Variants in PDE11A observed in about 807,000 individuals in gnomAD.
PDE11A encodes the protein phosphodiesterase 11A.
In PDE11A, 100 loss-of-function variants were observed where a neutral mutation model predicts 100.5. That is an observed-to-expected ratio of 1.00 (90% CI 0.85 to 1.18). PDE11A has a LOEUF of 1.18. Ranked by LOEUF, PDE11A falls within the 50% of genes most tolerant of loss-of-function variation. PDE11A has a pLI of 0.00. For missense variants in PDE11A, 1,141 were observed against 1,152.6 expected, an observed-to-expected ratio of 0.99 and a Z score of 0.15; for synonymous variants, 381 against 420.8, an observed-to-expected ratio of 0.91 and a Z score of 1.16.
chr2:177,692,277 T>C (rs2081051006), intron 15 of PDE11A, among the ~76,000 whole-genome samples: 1 of 152,214 alleles, frequency 6.6e-6, no homozygotes, highest in Non-Finnish European at 1.5e-5. Flanking sequence ...TACAGGGCAT[T>C]TGTATCATCC....
intron 9 of PDE11A, among the ~76,000 whole-genome samples, chr2:177,805,523 T>G (rs1363614558): frequency 6.6e-6 from 1 of 152,168 alleles, no homozygotes; most frequent in East Asian, 1.9e-4. Context: ...CTAAGTCGAT[T>G]CCAAGGTCAA....
intron 6 of PDE11A, among the ~76,000 whole-genome samples, chr2:177,837,795 C>T (rs2083428957): frequency 6.6e-6 from 1 of 152,104 alleles, no homozygotes; most frequent in South Asian, 2.1e-4. Flanking sequence ...TTGGTTTCAC[C>T]TGTGAGGTTA....
intron 2 of PDE11A, among the ~76,000 whole-genome samples, chr2:177,906,471 T>G (rs144769347): frequency 2.0e-5 from 3 of 152,282 alleles, no homozygotes; most frequent in African/African-American, 4.8e-5. Context: ...CTTTCCTTGG[T>G]TACCTGGGCA....
At chr2:177,678,945 A>C (rs2080819409) in intron 16 of PDE11A, among the ~76,000 whole-genome samples, 2 of 151,716 alleles carry the variant, frequency 1.3e-5, no homozygotes, top group African/African-American at 4.9e-5. Context: ...AGAATAAAAA[A>C]TACATCCTTG....
intron 9 of PDE11A, among the ~76,000 whole-genome samples, chr2:177,800,675 C>A (rs2082779788): frequency 6.6e-6 from 1 of 152,112 alleles, no homozygotes; most frequent in Non-Finnish European, 1.5e-5. Flanking sequence ...AATGGTGAAC[C>A]AGACCCATAG....
intron 7 of PDE11A, among the ~76,000 whole-genome samples, chr2:177,819,412 G>A (rs1253797447): frequency 1.3e-5 from 2 of 151,968 alleles, no homozygotes; most frequent in Admixed American, 1.3e-4. Flanking sequence ...GTGTTCTTAC[G>A]TCTCTTAGGA....
At chr2:178,054,602 G>C (rs2086874172) in intron 1 of PDE11A, among the ~76,000 whole-genome samples, 1 of 152,198 alleles carries the variant, frequency 6.6e-6, no homozygotes, top group Non-Finnish European at 1.5e-5. Flanking sequence ...CTACCCATCT[G>C]ATAAAGGGCT....
chr2:178,061,728 G>A (rs927978828), intron 1 of PDE11A, among the ~76,000 whole-genome samples: 12 of 151,944 alleles, frequency 7.9e-5, no homozygotes, highest in South Asian at 2.1e-4. Context: ...ATTTCCATGC[G>A]ATTCTTCATT....
chr2:177,743,985 T>G (rs901206225), intron 10 of PDE11A, among the ~76,000 whole-genome samples: 1 of 152,182 alleles, frequency 6.6e-6, no homozygotes, highest in South Asian at 2.1e-4. Context: ...TGCTACCACC[T>G]GGGGTCCACC....
chr2:177,921,932 G>A (rs2085055387), intron 2 of PDE11A: 1 of 152,232 alleles, frequency 6.6e-6, no homozygotes, highest in Non-Finnish European at 1.5e-5. Flanking sequence ...GTGGCCTGAT[G>A]AATGGGGAAA....
At chr2:178,064,776 T>C (rs951149484) in intron 1 of PDE11A, among the ~76,000 whole-genome samples, 3 of 151,820 alleles carry the variant, frequency 2.0e-5, no homozygotes, top group African/African-American at 7.3e-5. Context: ...CTGGGCAACA[T>C]AGTAAGATCT....
intron 4 of PDE11A, among the ~76,000 whole-genome samples, chr2:177,892,266 A>G (rs2084541621): frequency 1.3e-5 from 2 of 152,142 alleles, no homozygotes; most frequent in Non-Finnish European, 2.9e-5. Context: ...TTATATTTTT[A>G]TAGGTATGAA....
intron 9 of PDE11A, among the ~76,000 whole-genome samples, chr2:177,803,363 G>A (rs1480854546): frequency 6.6e-6 from 1 of 151,782 alleles, no homozygotes; most frequent in Non-Finnish European, 1.5e-5. Context: ...ATTCACAGCT[G>A]AATTCTACCA....
At chr2:177,812,673 G>A (rs917642973) in intron 9 of PDE11A, among the ~76,000 whole-genome samples, 2 of 152,102 alleles carry the variant, frequency 1.3e-5, no homozygotes, top group East Asian at 1.9e-4. Context: ...CCCAAAACAT[G>A]CATCCTAGCT....
intron 9 of PDE11A, among the ~76,000 whole-genome samples, chr2:177,790,649 G>A (rs1265598218): frequency 3.9e-5 from 6 of 152,078 alleles, no homozygotes; most frequent in Admixed American, 3.9e-4. Context: ...ATCTGACAAA[G>A]GGCTAATATC....
chr2:177,959,493 A>G (rs1329030599), intron 2 of PDE11A, among the ~76,000 whole-genome samples: 2 of 152,236 alleles, frequency 1.3e-5, no homozygotes, highest in African/African-American at 4.8e-5. Context: ...CTATACCAAT[A>G]GTCCAGACAA....
At chr2:177,637,974 C>A (rs2080071271) in intron 19 of PDE11A, among the ~76,000 whole-genome samples, 2 of 91,752 alleles carry the variant, frequency 2.2e-5, no homozygotes, top group African/African-American at 3.2e-5. Flanking sequence ...TATATATATA[C>A]ACGTGTATAT....
intron 2 of PDE11A, among the ~76,000 whole-genome samples, chr2:178,096,887 A>C (rs926336107): frequency 6.6e-6 from 1 of 151,684 alleles, no homozygotes; most frequent in Non-Finnish European, 1.5e-5. Context: ...CTGGAGTGGC[A>C]CATTTTGTTT....
chr2:177,766,940 T>A (rs2082248224), intron 10 of PDE11A, among the ~76,000 whole-genome samples: 1 of 152,228 alleles, frequency 6.6e-6, no homozygotes, highest in Non-Finnish European at 1.5e-5. Flanking sequence ...CTTCATATTT[T>A]AATATATTTG....
Sources: gnomAD v4.1 joint callset for allele counts (sites outside exome capture counted in the v4.1 genomes callset) on GRCh38, gnomAD v4.1.1 for gene constraint, MANE v1.5 for transcripts, NCBI Gene and HGNC (gene_info 2026-07-23, HGNC 2026-07-21) for gene names.